PLD5: variants seen among roughly 807,000 people sequenced by gnomAD.
The protein encoded by PLD5 is phospholipase D family member 5.
Under a neutral mutation model 61.1 loss-of-function variants are expected in PLD5, and 36 were observed. The observed-to-expected ratio is 0.59, with a 90% CI of 0.45 to 0.78. The LOEUF is 0.78. Among genes scored for constraint, PLD5 ranks in the 30% least tolerant of loss-of-function variants. PLD5 has a pLI of 0.00. For missense variants in PLD5, 515 were observed against 644.4 expected (o/e 0.80, Z 2.17); for synonymous variants, 243 against 242.8 (o/e 1.00, Z -0.01).
chr1:242,377,106 C>T, intron 1 of PLD5: 4 of 1,611,774 alleles, frequency 2.5e-6, no homozygotes, highest in Non-Finnish European at 3.4e-6. Flanking sequence ...GTTATCTTCC[C>T]CAGCCCCATT....
intron 1 of PLD5, chr1:242,377,009 A>G (rs1662001192): frequency 6.2e-7 from 1 of 1,611,778 alleles, no homozygotes; most frequent in African/African-American, 1.3e-5. Context: ...CTTCAGTTTC[A>G]AAAGTTTTTG....
chr1:242,137,171 G>A (rs1158112764), intron 5 of PLD5, among the ~76,000 whole-genome samples: 1 of 152,156 alleles, frequency 6.6e-6, no homozygotes, highest in Non-Finnish European at 1.5e-5. Flanking sequence ...CCTATACCCA[G>A]CTATCATCAG....
At chr1:242,420,948 G>A (rs1055308421) in intron 1 of PLD5, among the ~76,000 whole-genome samples, 8 of 152,110 alleles carry the variant, frequency 5.3e-5, no homozygotes, top group Non-Finnish European at 8.8e-5. Flanking sequence ...TTGGAAGGCC[G>A]AGCCAGGCGG....
Position 242,279,964 on chromosome 1 carries a change from TAG to T in PLD5, c.495+8396_495+8397del, listed in dbSNP as rs373006994. 6.3e-3 allele frequency among the ~76,000 whole-genome samples: 961 copies of T among 152,326 alleles called. 15 individuals carry two copies. Among genetic ancestry groups the T allele is most frequent in the African/African-American group, 0.021 (870 of 41,568 alleles). On this transcript the variant is annotated intron_variant, in intron 3 of 9. Coordinates refer to ENST00000536534, the MANE Select transcript of PLD5 (RefSeq NM_001372062.1). ...ATATTATTCTTTTTGTAAGATTACA[TAG>T]AGAGTCGTGTCCACTAAATTTGAAA...
At chr1:242,477,515 A>G (rs939166790) in intron 1 of PLD5, among the ~76,000 whole-genome samples, 9 of 152,298 alleles carry the variant, frequency 5.9e-5, no homozygotes, top group African/African-American at 1.7e-4. Context: ...TTATGCGCCA[A>G]TGTTGGTAGT....
intron 5 of PLD5, among the ~76,000 whole-genome samples, chr1:242,175,159 T>C (rs1667042988): frequency 6.6e-6 from 1 of 152,062 alleles, no homozygotes; most frequent in Non-Finnish European, 1.5e-5. Flanking sequence ...AAAAGAAAAT[T>C]TCAGGCCAAT....
At chr1:242,422,701 A>G (rs1434784768) in intron 1 of PLD5, among the ~76,000 whole-genome samples, 1 of 152,212 alleles carries the variant, frequency 6.6e-6, no homozygotes, top group Admixed American at 6.5e-5. Flanking sequence ...TTGGGGCGCA[A>G]TGTTAGCTAC....
intron 5 of PLD5, among the ~76,000 whole-genome samples, chr1:242,179,440 G>A (rs1380890103): frequency 1.3e-5 from 2 of 152,148 alleles, no homozygotes; most frequent in African/African-American, 2.4e-5. Context: ...CAGAGGACTC[G>A]ATTTCTTCCC....
In PLD5 at chr1:242,123,111, C is replaced by T. The variant is rs142564478; in HGVS notation, c.933+1357G>A. ...ATAAATCTGCACTTTAAGCATACTT[C>T]GTAGCCAATTCTTAAGTACAGTAAG... On this transcript the variant is annotated intron_variant, in intron 6 of 9. Coordinates refer to ENST00000536534, the MANE Select transcript of PLD5 (RefSeq NM_001372062.1). 5.5e-4 allele frequency among the ~76,000 whole-genome samples: 84 copies of T among 152,242 alleles called. 1 individual carries two copies. The highest frequency in any genetic ancestry group is 1.8e-3 in the African/African-American group (74 of 41,562).
intron 5 of PLD5, among the ~76,000 whole-genome samples, chr1:242,169,443 G>A (rs746172064): frequency 1.1e-4 from 17 of 152,268 alleles, no homozygotes; most frequent in South Asian, 6.2e-4. Flanking sequence ...TTCAAAACCC[G>A]TAGACCAGGA....
Position 242,524,441 on chromosome 1 carries a change from G to C in PLD5, c.-165C>G. The stretch of plus-strand genomic sequence containing the variant: ...GCGGGCGCGGGGAGCGCGGGGTGCT[G>C]AGCGCCAGCTGGGAGCGCGGCCGGG... On this transcript the variant is annotated 5_prime_UTR_variant, in exon 1 of 10. Transcript: ENST00000536534. 1 of 607,342 alleles carries C rather than the reference G, an allele frequency of 1.6e-6. No homozygotes were observed. The highest frequency in any genetic ancestry group is 3.7e-5 in the East Asian group (1 of 26,868). 37.6% of individuals were successfully genotyped at this position (607,342 alleles called of 1,614,324 possible).
chr1:242,478,616 T>G (rs772587529), intron 1 of PLD5, among the ~76,000 whole-genome samples: 4 of 152,222 alleles, frequency 2.6e-5, no homozygotes, highest in Non-Finnish European at 4.4e-5. Flanking sequence ...GCATCATCTG[T>G]GTAGGTCAAT....
chr1:242,481,031 A>C (rs1469149704), intron 1 of PLD5, among the ~76,000 whole-genome samples: 1 of 152,184 alleles, frequency 6.6e-6, no homozygotes, highest in African/African-American at 2.4e-5. Context: ...CTAGATTTTT[A>C]ACCTATGAGA....
At chr1:242,377,665 T>C (rs1024410417) in intron 1 of PLD5, among the ~76,000 whole-genome samples, 4 of 151,650 alleles carry the variant, frequency 2.6e-5, no homozygotes, top group African/African-American at 9.7e-5. Flanking sequence ...AATAAATAAA[T>C]AAAACAAACA....
chr1:242,093,069 G>A (rs530317323), intron 9 of PLD5, among the ~76,000 whole-genome samples: 2 of 152,224 alleles, frequency 1.3e-5, no homozygotes, highest in Non-Finnish European at 2.9e-5. Flanking sequence ...AGCTTTGGAC[G>A]AATTTATTTC....
At chr1:242,170,759 T>C (rs1030153653) in intron 5 of PLD5, among the ~76,000 whole-genome samples, 1 of 152,114 alleles carries the variant, frequency 6.6e-6, no homozygotes, top group Non-Finnish European at 1.5e-5. Context: ...TCGTGAAGCA[T>C]ACATGAGTAT....
rs528458737 is a variant in PLD5, at chr1:242,376,801, A to C, written c.190-28559T>G. ...GGTGAAGGAAGGTACGTTGAAAGAG[A>C]ATATATTGCAACAGCCTAGACAGTA... On this transcript the variant is annotated intron_variant, in intron 1 of 9. Coordinates refer to ENST00000536534, the MANE Select transcript of PLD5 (RefSeq NM_001372062.1). 65 of 1,005,438 alleles carry C rather than the reference A, an allele frequency of 6.5e-5. No homozygotes were observed. In the Admixed American group the frequency reaches 7.6e-4, roughly 12 times the overall value. The allele number at this position is 1,005,438 out of a possible 1,614,324, so 62.3% of individuals were successfully genotyped here. A position where few individuals can be genotyped will look rare whatever the true frequency, so the allele number is the denominator to read the frequency against.
chr1:242,156,241 G>A (rs1351489918), intron 5 of PLD5, among the ~76,000 whole-genome samples: 1 of 152,124 alleles, frequency 6.6e-6, no homozygotes, highest in African/African-American at 2.4e-5. Flanking sequence ...GAGCCTATGT[G>A]TGTCTTTGTA....
chr1:242,520,958 A>G (rs1232742800), intron 1 of PLD5, among the ~76,000 whole-genome samples: 1 of 152,240 alleles, frequency 6.6e-6, no homozygotes, highest in Non-Finnish European at 1.5e-5. Context: ...TCCCAAGCCT[A>G]ATGCCTTCCA....
Sources: allele counts gnomAD v4.1 joint callset (sites outside exome capture counted in the v4.1 genomes callset), GRCh38; gene constraint gnomAD v4.1.1; transcripts MANE v1.5; gene names NCBI Gene and HGNC (gene_info 2026-07-23, HGNC 2026-07-21).